Variants in SNX3 observed in about 807,000 individuals in gnomAD.
SNX3 encodes the protein sorting nexin-3.
A neutral mutation model predicts 17.7 loss-of-function variants in SNX3; 5 were observed. The ratio of observed to expected loss-of-function variants is 0.28; its 90% confidence interval spans 0.15 to 0.59. The LOEUF is 0.59. Among genes scored for constraint, SNX3 ranks in the 20% least tolerant of loss-of-function variants. SNX3 has a pLI of 0.88. For missense variants in SNX3, 132 were observed against 206.8 expected, an observed-to-expected ratio of 0.64 and a Z score of 2.22; for synonymous variants, 91 against 76.5, an observed-to-expected ratio of 1.19 and a Z score of -0.99.
At chr6:108,225,941 G>A (rs1451377201) in intron 1 of SNX3, among the ~76,000 whole-genome samples, 1 of 151,088 alleles carries the variant, frequency 6.6e-6, no homozygotes, top group Non-Finnish European at 1.5e-5. Flanking sequence ...GCTGAGGTGG[G>A]AGGATCTCTT....
intron 1 of SNX3, among the ~76,000 whole-genome samples, chr6:108,258,878 T>C (rs1776107074): frequency 6.6e-6 from 1 of 151,892 alleles, no homozygotes; most frequent in Non-Finnish European, 1.5e-5. Flanking sequence ...AAAAAGAGGA[T>C]TAAATTATTA....
chr6:108,240,666 C>T (rs905490857), intron 1 of SNX3, among the ~76,000 whole-genome samples: 2 of 152,148 alleles, frequency 1.3e-5, no homozygotes, highest in African/African-American at 4.8e-5. Context: ...ATATAGAAGT[C>T]CCAAATGCAG....
At chr6:108,247,385 T>A (rs1010173520) in intron 1 of SNX3, among the ~76,000 whole-genome samples, 1 of 151,888 alleles carries the variant, frequency 6.6e-6, no homozygotes, top group Non-Finnish European at 1.5e-5. Context: ...ATTTTTTGAG[T>A]GTGACCGGGT....
intron 1 of SNX3, among the ~76,000 whole-genome samples, chr6:108,231,313 C>T (rs1348358267): frequency 6.6e-6 from 1 of 152,202 alleles, no homozygotes; most frequent in Admixed American, 6.5e-5. Flanking sequence ...TCTTGAACTC[C>T]TGACCTCGTG....
intron 1 of SNX3, among the ~76,000 whole-genome samples, chr6:108,237,320 G>T (rs1366233853): frequency 6.6e-6 from 1 of 152,068 alleles, no homozygotes; most frequent in Non-Finnish European, 1.5e-5. Context: ...TGCAGAGTTT[G>T]TAAGAAAAGG....
intron 1 of SNX3, among the ~76,000 whole-genome samples, chr6:108,240,594 T>A (rs1044402207): frequency 3.3e-5 from 5 of 152,316 alleles, no homozygotes; most frequent in Middle Eastern, 3.4e-3. Flanking sequence ...TCTACCAGGA[T>A]GTGGCAAGCT....
intron 1 of SNX3, among the ~76,000 whole-genome samples, chr6:108,232,461 G>C (rs1562428327): frequency 6.6e-6 from 1 of 152,022 alleles, no homozygotes; most frequent in Non-Finnish European, 1.5e-5. Context: ...CACTTACACA[G>C]GCTGACCTAT....
chr6:108,220,871 C>T (rs1306703061), intron 2 of SNX3, among the ~76,000 whole-genome samples: 1 of 151,782 alleles, frequency 6.6e-6, no homozygotes, highest in African/African-American at 2.4e-5. Context: ...ATCCCAGCTA[C>T]TCGGGAGGCT....
chr6:108,218,154 G>A (rs368001053), intron 2 of SNX3, among the ~76,000 whole-genome samples: 6 of 152,048 alleles, frequency 3.9e-5, no homozygotes, highest in African/African-American at 1.4e-4. Context: ...ATCTGATAGG[G>A]AACTCTAAGA....
intron 1 of SNX3, among the ~76,000 whole-genome samples, chr6:108,234,826 T>G (rs1775276334): frequency 6.6e-6 from 1 of 152,188 alleles, no homozygotes; most frequent in East Asian, 1.9e-4. Flanking sequence ...CTAGAAAATC[T>G]GGCTTTAATC....
chr6:108,236,745 C>T (rs917896387), intron 1 of SNX3, among the ~76,000 whole-genome samples: 47 of 152,088 alleles, frequency 3.1e-4, no homozygotes, highest in Admixed American at 6.6e-5. Flanking sequence ...TGAAGTATTA[C>T]TTGGAAAACT....
intron 1 of SNX3, among the ~76,000 whole-genome samples, chr6:108,244,160 T>C (rs1026203447): frequency 1.2e-4 from 19 of 152,144 alleles, no homozygotes; most frequent in Non-Finnish European, 2.1e-4. Flanking sequence ...CCGCTTTTTT[T>C]TTCTTCTTTA....
chr6:108,236,824 T>A (rs749204625), intron 1 of SNX3, among the ~76,000 whole-genome samples: 1 of 152,182 alleles, frequency 6.6e-6, no homozygotes, highest in Non-Finnish European at 1.5e-5. Flanking sequence ...CATATATTAA[T>A]AAACTCTTCC....
At chr6:108,232,354 C>G (rs1409665644) in intron 1 of SNX3, among the ~76,000 whole-genome samples, 1 of 152,152 alleles carries the variant, frequency 6.6e-6, no homozygotes, top group African/African-American at 2.4e-5. Flanking sequence ...GAAAAGATTT[C>G]TCAAACCATG....
At chr6:108,217,867 A>G (rs1774637230) in intron 2 of SNX3, among the ~76,000 whole-genome samples, 2 of 152,236 alleles carry the variant, frequency 1.3e-5, no homozygotes, top group Admixed American at 1.3e-4. Context: ...TGAAAGCTAA[A>G]GCAAACTAGA....
rs1409087772 is a variant in SNX3 at position 108,261,007 on chromosome 6, G to T, written c.-86C>A. ...CCGCCGCCGCTGCTGCCCGCCGTGG[G>T]GACACGGGGCTCGCGCGCAGCGGTC... On this transcript the variant is annotated 5_prime_UTR_variant, in exon 1 of 4. Coordinates refer to ENST00000230085, the MANE Select transcript of SNX3 (RefSeq NM_003795.6). 3.1e-6 allele frequency: 4 copies of T among 1,276,536 alleles called. No homozygotes were observed. The highest frequency in any genetic ancestry group is 4.1e-6 in the Non-Finnish European group (4 of 979,196). The allele number at this position is 1,276,536 out of a possible 1,614,324, so 79.1% of individuals were successfully genotyped here.
intron 2 of SNX3, chr6:108,222,332 G>C (rs1774812877): frequency 2.3e-6 from 3 of 1,303,896 alleles, no homozygotes; most frequent in Non-Finnish European, 3.0e-6. Context: ...TGAAATGAGA[G>C]ACACCAGAGT....
chr6:108,212,172 G>C lies in SNX3; in HGVS notation c.466C>G (p.Pro156Ala). 1 of 1,604,918 alleles carries C rather than the reference G, an allele frequency of 6.2e-7. No individual in the cohort carries two copies. The highest frequency in any genetic ancestry group is 1.1e-5 in the South Asian group (1 of 89,720). The change falls in exon 4 of 4, where the codon CCA becomes GCA. Residue 156 changes from proline (P) to alanine (A), a missense_variant. Physicochemically the swap from Pro to Ala is conservative, Grantham distance 27. This residue lies in a region of SNX3 where 54 missense variants were observed against 118.0 expected (regional missense o/e 0.46). Coordinates refer to ENST00000230085, the MANE Select transcript of SNX3 (RefSeq NM_003795.6). ...TTTCAGGCATGTCTTATTTTAGATGGAGTATAGCTTTTATCTATTATTTCA... is the reference window on the plus strand; with the variant it reads ...TTTCAGGCATGTCTTATTTTAGATGCAGTATAGCTTTTATCTATTATTTCA... ...QDEIIDKSYT[P>A]SKIRHA
intron 2 of SNX3, among the ~76,000 whole-genome samples, chr6:108,221,251 C>T (rs1029516714): frequency 6.6e-6 from 1 of 151,684 alleles, no homozygotes; most frequent in Non-Finnish European, 1.5e-5. Flanking sequence ...GCACTTCCTA[C>T]TTCCCTTAGT....
Sources: gnomAD v4.1 joint callset for allele counts (sites outside exome capture counted in the v4.1 genomes callset) on GRCh38, gnomAD v4.1.1 for gene constraint, gnomAD v4.1.1 regional missense constraint, MANE v1.5 for transcripts, NCBI Gene and HGNC (gene_info 2026-07-23, HGNC 2026-07-21) for gene names.